ZEB1: variants seen among roughly 807,000 people sequenced by gnomAD.
The protein encoded by ZEB1 is zinc finger E-box-binding homeobox 1.
In ZEB1, 21 loss-of-function variants were observed where a neutral mutation model predicts 84.9. The observed-to-expected ratio is 0.25, with a 90% CI of 0.18 to 0.36. The LOEUF (loss-of-function observed/expected upper bound fraction) is 0.36. Ranked by LOEUF, ZEB1 falls within the 10% of genes least tolerant of loss-of-function variation. The probability of loss-of-function intolerance (pLI) is 1.00; values close to 1 mark genes in which losing one functional copy is unlikely to be tolerated. For synonymous variants in ZEB1, 420 were observed against 471.1 expected, an observed-to-expected ratio of 0.89 and a Z score of 1.41; for missense variants, 1,104 against 1,330.2, an observed-to-expected ratio of 0.83 and a Z score of 2.65.
chr10:31,492,031 G>A (rs78567124), intron 2 of ZEB1, among the ~76,000 whole-genome samples: 2,455 of 151,968 alleles, frequency 0.016, 51 homozygotes, highest in African/African-American at 0.055. Flanking sequence ...GCAGGGAATA[G>A]GGTAGGAATA....
intron 1 of ZEB1, among the ~76,000 whole-genome samples, chr10:31,389,955 C>A (rs1385770475): frequency 6.6e-6 from 1 of 151,294 alleles, no homozygotes; most frequent in Non-Finnish European, 1.5e-5. Context: ...TTCCACAGTT[C>A]AGATCTAGAC....
intron 1 of ZEB1, among the ~76,000 whole-genome samples, chr10:31,355,565 G>A (rs546323597): frequency 1.3e-5 from 2 of 152,262 alleles, no homozygotes; most frequent in South Asian, 4.1e-4. Flanking sequence ...CTCTGGGATG[G>A]TGGGGGAGTG....
chr10:31,491,510 G>A (rs1455702361), intron 2 of ZEB1, among the ~76,000 whole-genome samples: 1 of 151,734 alleles, frequency 6.6e-6, no homozygotes, highest in Non-Finnish European at 1.5e-5. Flanking sequence ...CATGCCCCAG[G>A]GCCCACTTTC....
chr10:31,476,837 A>G (rs1034740463), intron 2 of ZEB1, among the ~76,000 whole-genome samples: 2 of 152,130 alleles, frequency 1.3e-5, no homozygotes, highest in Admixed American at 6.6e-5. Flanking sequence ...TAGATGCAGA[A>G]GAGGCTGTTG....
chr10:31,327,820 T>C (rs1459580371), intron 1 of ZEB1, among the ~76,000 whole-genome samples: 10 of 152,236 alleles, frequency 6.6e-5, no homozygotes. Flanking sequence ...TTCGGTATTG[T>C]ACAACATTCT....
At chr10:31,355,201 T>A (rs2041925160) in intron 1 of ZEB1, 1 of 152,142 alleles carries the variant, frequency 6.6e-6, no homozygotes, top group Non-Finnish European at 1.5e-5. Context: ...AGGTAAAGAA[T>A]CTGGGTGTTT....
chr10:31,465,659 G>A (rs2062329120), intron 2 of ZEB1, among the ~76,000 whole-genome samples: 1 of 152,016 alleles, frequency 6.6e-6, no homozygotes, highest in Non-Finnish European at 1.5e-5. Context: ...GTGTCACCAG[G>A]GTAGAGTGCA....
At chr10:31,320,239 G>C (rs2033526540) in intron 1 of ZEB1, 1 of 152,156 alleles carries the variant, frequency 6.6e-6, no homozygotes, top group South Asian at 2.1e-4. Context: ...GAGCCGCGCG[G>C]ATGGGGGCGA....
At chr10:31,492,802 G>A (rs1297833756) in intron 2 of ZEB1, among the ~76,000 whole-genome samples, 1 of 151,808 alleles carries the variant, frequency 6.6e-6, no homozygotes. Context: ...ATTTTTATTA[G>A]AATGAATCAC....
chr10:31,468,697 C>T (rs978256012), intron 2 of ZEB1, among the ~76,000 whole-genome samples: 6 of 152,120 alleles, frequency 3.9e-5, no homozygotes, highest in Non-Finnish European at 5.9e-5. Context: ...CCTTGGCCCC[C>T]TAAAAGCACG....
chr10:31,365,878 G>C (rs905549255), intron 1 of ZEB1, among the ~76,000 whole-genome samples: 11 of 152,140 alleles, frequency 7.2e-5, no homozygotes, highest in African/African-American at 2.7e-4. Flanking sequence ...ACTGAATATA[G>C]GGAACATAAT....
chr10:31,338,031 T>A (rs1439925501), intron 1 of ZEB1, among the ~76,000 whole-genome samples: 1 of 152,204 alleles, frequency 6.6e-6, no homozygotes, highest in African/African-American at 2.4e-5. Context: ...CAAAATGTAT[T>A]CATTTATTTT....
chr10:31,443,461 T>C (rs2059306859), intron 1 of ZEB1, among the ~76,000 whole-genome samples: 1 of 151,746 alleles, frequency 6.6e-6, no homozygotes, highest in Non-Finnish European at 1.5e-5. Flanking sequence ...GTGCACATTG[T>C]GCAGGTTAGT....
At chr10:31,320,475 G>A (rs2033645176) in intron 1 of ZEB1, 1 of 151,964 alleles carries the variant, frequency 6.6e-6, no homozygotes, top group Non-Finnish European at 1.5e-5. Flanking sequence ...CTGGGTCTCG[G>A]GTGGAAGGAG....
intron 1 of ZEB1, among the ~76,000 whole-genome samples, chr10:31,365,425 A>G (rs139807383): frequency 0.024 from 3,634 of 152,320 alleles, 50 homozygotes; most frequent in Non-Finnish European, 0.039. Flanking sequence ...AATTGAAACC[A>G]TCTATATTCA....
chr10:31,390,360 T>C (rs1229838165), intron 1 of ZEB1, among the ~76,000 whole-genome samples: 2 of 152,128 alleles, frequency 1.3e-5, no homozygotes, highest in Non-Finnish European at 2.9e-5. Flanking sequence ...GCCTGTAAAC[T>C]AGAAGATATC....
intron 4 of ZEB1, among the ~76,000 whole-genome samples, chr10:31,503,647 G>A (rs2068479039): frequency 6.6e-6 from 1 of 151,810 alleles, no homozygotes; most frequent in Admixed American, 6.6e-5. Flanking sequence ...AATCTCCGTA[G>A]TATTTTCACA....
At position 31,520,904 on chromosome 10, in the gene ZEB1, A is replaced by AG. The variant is rs766305306; in HGVS notation, c.1579dup (p.Val527GlyfsTer3). 3 of 1,613,878 alleles carry AG rather than the reference A, an allele frequency of 1.9e-6. No individual in the cohort carries two copies. The highest frequency in any genetic ancestry group is 2.5e-6 in the Non-Finnish European group (3 of 1,180,012). On this transcript the variant is annotated frameshift_variant, in exon 7 of 9. Coordinates refer to ENST00000424869, the MANE Select transcript of ZEB1 (RefSeq NM_001174096.2). LOFTEE classifies it high-confidence loss of function. This position sits in a 1 kb window ranked among gnomAD's most constrained non-coding sequence, Gnocchi z 5.1. ...AGTCTGAGAAGGACAAAAGCTTTGA[A>AG]GGGGGGGTGAATGATAGCACTTGTC...
intron 1 of ZEB1, among the ~76,000 whole-genome samples, chr10:31,339,519 C>T (rs568517813): frequency 7.9e-5 from 12 of 152,186 alleles, no homozygotes; most frequent in African/African-American, 2.6e-4. Flanking sequence ...TCTGTAGTCC[C>T]AGCACTTTGG....
Sources: gnomAD v4.1 joint callset for allele counts (sites outside exome capture counted in the v4.1 genomes callset) on GRCh38, gnomAD v4.1.1 for gene constraint, Gnocchi (gnomAD v3.1) non-coding constraint, MANE v1.5 for transcripts, NCBI Gene and HGNC (gene_info 2026-07-23, HGNC 2026-07-21) for gene names.